The following PALM2AKAP2 variants were observed in gnomAD, a reference collection of about 807,000 sequenced individuals.
PALM2AKAP2 encodes PALM2-AKAP2 fusion protein.
Under a neutral mutation model 71.5 loss-of-function variants are expected in PALM2AKAP2, and 37 were observed. The observed-to-expected ratio is 0.52, with a 90% confidence interval of 0.40 to 0.68. PALM2AKAP2 has a LOEUF of 0.68. PALM2AKAP2 is among the 30% of genes least tolerant of loss of function. PALM2AKAP2 has a pLI of 0.00. For missense variants in PALM2AKAP2, 1,224 were observed against 1,191.8 expected, an observed-to-expected ratio of 1.03 and a Z score of -0.40; for synonymous variants, 468 against 478.8, an observed-to-expected ratio of 0.98 and a Z score of 0.29.
At chr9:110,067,363 G>T (rs1374007621) in intron 1 of PALM2AKAP2, among the ~76,000 whole-genome samples, 1 of 152,200 alleles carries the variant, frequency 6.6e-6, no homozygotes, top group Non-Finnish European at 1.5e-5. Context: ...TTTTACTATT[G>T]AAAGGTCTTC....
At chr9:109,904,295 G>C (rs757039927) in intron 3 of PALM2AKAP2, among the ~76,000 whole-genome samples, 5 of 152,150 alleles carry the variant, frequency 3.3e-5, no homozygotes, top group South Asian at 4.1e-4. Context: ...TTGCCTTCCT[G>C]TCAATTTTCT....
intron 7 of PALM2AKAP2, among the ~76,000 whole-genome samples, chr9:110,025,659 T>C (rs1833166970): frequency 6.6e-6 from 1 of 152,182 alleles, no homozygotes; most frequent in Non-Finnish European, 1.5e-5. Context: ...TCACCAACAA[T>C]GAATGAGGCT....
intron 6 of PALM2AKAP2, among the ~76,000 whole-genome samples, chr9:110,014,119 A>G (rs1328047820): frequency 6.6e-6 from 1 of 152,222 alleles, no homozygotes. Flanking sequence ...AAAGATGGCC[A>G]ATCCTGATTT....
chr9:109,700,823 T>C (rs957567123), intron 1 of PALM2AKAP2, among the ~76,000 whole-genome samples: 18 of 152,200 alleles, frequency 1.2e-4, no homozygotes, highest in Admixed American at 1.2e-3. Flanking sequence ...CTCTGTTTTC[T>C]TTTTCACCAC....
intron 3 of PALM2AKAP2, among the ~76,000 whole-genome samples, chr9:109,916,653 A>G (rs1015196893): frequency 3.9e-5 from 6 of 152,162 alleles, no homozygotes; most frequent in Non-Finnish European, 7.3e-5. Flanking sequence ...CAGTTAATTC[A>G]TCATCTACTT....
At chr9:109,960,320 C>G (rs149423260) in intron 6 of PALM2AKAP2, among the ~76,000 whole-genome samples, 1 of 152,212 alleles carries the variant, frequency 6.6e-6, no homozygotes, top group African/African-American at 2.4e-5. Context: ...GCTGTCTTTA[C>G]CATACGGCTG....
At chr9:110,057,797 C>T (rs967030809) in intron 1 of PALM2AKAP2, among the ~76,000 whole-genome samples, 26 of 152,158 alleles carry the variant, frequency 1.7e-4, no homozygotes, top group African/African-American at 5.6e-4. Flanking sequence ...GAGCCCCATC[C>T]CAGACCTACT....
chr9:110,080,163 A>G (rs1052833157), intron 1 of PALM2AKAP2, among the ~76,000 whole-genome samples: 45 of 151,876 alleles, frequency 3.0e-4, no homozygotes, highest in African/African-American at 1.0e-3. Context: ...TTGTCAGTGT[A>G]CATTCAGCAG....
intron 1 of PALM2AKAP2, among the ~76,000 whole-genome samples, chr9:110,108,838 AAAAAAAAATTTTT>A (rs1261206944): frequency 6.6e-6 from 1 of 151,900 alleles, no homozygotes; most frequent in Middle Eastern, 3.2e-3. Flanking sequence ...CCCTGCATTT[AAAAAAAAATTTTT>A]TTTTGGTAGG....
At chr9:109,710,843 C>T (rs1828223732) in intron 1 of PALM2AKAP2, among the ~76,000 whole-genome samples, 1 of 152,120 alleles carries the variant, frequency 6.6e-6, no homozygotes, top group Non-Finnish European at 1.5e-5. Context: ...GCCATTGGCT[C>T]CATGGGCCTT....
chr9:109,684,591 T>C (rs1267596497), intron 1 of PALM2AKAP2, among the ~76,000 whole-genome samples: 1 of 152,130 alleles, frequency 6.6e-6, no homozygotes, highest in African/African-American at 2.4e-5. Flanking sequence ...GTTAGTAAAA[T>C]ACAATAAAAA....
chr9:110,042,919 A>T (rs916946356), intron 7 of PALM2AKAP2, among the ~76,000 whole-genome samples: 14 of 152,036 alleles, frequency 9.2e-5, no homozygotes, highest in African/African-American at 2.7e-4. Flanking sequence ...CCAATTATAG[A>T]TTTAGTTATT....
rs144458315 is a variant in PALM2AKAP2 at position 109,965,648 on chromosome 9, G to C, written c.496+33620G>C. ...GGGATGATGAAAAAGTTCTGGAAAT[G>C]GCTGGCGGTGATGGTTGCACAACAG... On this transcript the variant is annotated intron_variant, in intron 6 of 9. Coordinates refer to the PALM2AKAP2 transcript ENST00000302798. Among the ~76,000 whole-genome samples the C allele has an allele frequency of 3.0e-3, 457 of 152,294 alleles. 2 individuals are homozygous for C. Among genetic ancestry groups the C allele is most frequent in the Non-Finnish European group, 4.9e-3 (330 of 68,032 alleles).
chr9:109,665,469 T>G (rs1564105966), intron 1 of PALM2AKAP2, among the ~76,000 whole-genome samples: 1 of 152,368 alleles, frequency 6.6e-6, no homozygotes, highest in African/African-American at 2.4e-5. Flanking sequence ...TGTTGGAGTT[T>G]GCTAGAGTTG....
chr9:109,994,614 G>A (rs1453164473), intron 6 of PALM2AKAP2, among the ~76,000 whole-genome samples: 9 of 152,022 alleles, frequency 5.9e-5, no homozygotes, highest in East Asian at 3.9e-4. Flanking sequence ...AGCATTGAGC[G>A]TCCAGTCCCT....
At chr9:110,096,240 C>CT (rs1395467687) in intron 1 of PALM2AKAP2, among the ~76,000 whole-genome samples, 7 of 152,204 alleles carry the variant, frequency 4.6e-5, no homozygotes, top group East Asian at 1.9e-4. Flanking sequence ...AGCTCTTTCT[C>CT]TTTTTTTGCT....
At chr9:110,030,162 T>A (rs1833254796) in intron 7 of PALM2AKAP2, among the ~76,000 whole-genome samples, 1 of 152,190 alleles carries the variant, frequency 6.6e-6, no homozygotes. Flanking sequence ...TATATACCCT[T>A]CTTCTTAGAG....
At chr9:109,834,662 G>A (rs1828405785) in intron 1 of PALM2AKAP2, among the ~76,000 whole-genome samples, 1 of 152,148 alleles carries the variant, frequency 6.6e-6, no homozygotes, top group Non-Finnish European at 1.5e-5. Flanking sequence ...AAGTCAAACA[G>A]AGGCAACAGC....
chr9:109,691,204 C>CACACACACACACACACACAT, intron 1 of PALM2AKAP2, among the ~76,000 whole-genome samples: 1 of 151,150 alleles, frequency 6.6e-6, no homozygotes, highest in Non-Finnish European at 1.5e-5. Flanking sequence ...CACACACACA[C>CACACACACACACACACACAT]ATGCACACAC....
Sources: allele counts gnomAD v4.1 joint callset (sites outside exome capture counted in the v4.1 genomes callset), GRCh38; gene constraint gnomAD v4.1.1; transcripts MANE v1.5; gene names NCBI Gene and HGNC (gene_info 2026-07-23, HGNC 2026-07-21).